Variants in POLE4 observed in about 807,000 individuals in gnomAD.
The protein encoded by POLE4 is DNA polymerase epsilon 4, accessory subunit.
A neutral mutation model predicts 15.6 loss-of-function variants in POLE4; 15 were observed. That is an observed-to-expected ratio of 0.96 (90% CI 0.64 to 1.48). The LOEUF (loss-of-function observed/expected upper bound fraction) is 1.48, where lower values mean the gene tolerates loss of function less well. POLE4 is among the 40% of genes most tolerant of loss of function. The pLI is 0.00. For synonymous variants in POLE4, 83 were observed against 63.2 expected (o/e 1.31, Z -1.49); for missense variants, 205 against 151.9 (o/e 1.35, Z -1.84).
intron 2 of POLE4, chr2:74,959,792 C>T (rs1558826961): frequency 8.8e-6 from 4 of 454,964 alleles, no homozygotes; most frequent in South Asian, 3.9e-5. Flanking sequence ...ATGCGCCCTG[C>T]GTCTATTGCC....
intron 1 of POLE4, chr2:74,959,113 C>T: frequency 1.6e-6 from 1 of 610,398 alleles, no homozygotes; most frequent in Non-Finnish European, 2.9e-6. Context: ...TAATTTGTAT[C>T]TCCAGGGCCT....
intron 3 of POLE4, among the ~76,000 whole-genome samples, chr2:74,966,853 G>A (rs1671303037): frequency 6.6e-6 from 1 of 150,844 alleles, no homozygotes; most frequent in Non-Finnish European, 1.5e-5. Context: ...AGGATAATTT[G>A]TTGAATATAA....
chr2:74,966,973 T>C (rs902426344), intron 3 of POLE4, among the ~76,000 whole-genome samples: 10 of 152,238 alleles, frequency 6.6e-5, no homozygotes, highest in Admixed American at 2.0e-4. Context: ...GTAATTCTTT[T>C]GAAGCTAGTT....
At chr2:74,959,852 G>A (rs1671190383) in intron 2 of POLE4, 1 of 497,830 alleles carries the variant, frequency 2.0e-6, no homozygotes, top group Non-Finnish European at 3.5e-6. Flanking sequence ...TAATTTAGGG[G>A]TAATTTAGGA....
At chr2:74,960,012 A>T in intron 2 of POLE4, 93 bp from the exon 3 acceptor site, 1 of 1,043,136 alleles carries the variant, frequency 9.6e-7, no homozygotes, top group Non-Finnish European at 1.5e-6. Context: ...CATTTGCCCA[A>T]AGCCTCATGC....
chr2:74,961,176 GTTCTCATTACCTCCTTCAAGCC>G (rs1191249127), intron 3 of POLE4: 2 of 152,262 alleles, frequency 1.3e-5, no homozygotes, highest in Non-Finnish European at 2.9e-5. Context: ...CTCCCAGGGT[GTTCTCATTACCTCCTTCAAGCC>G]TTATTACCTT....
chr2:74,958,960 C>T, intron 1 of POLE4, 68 bp downstream of exon 1: 1 of 1,433,370 alleles, frequency 7.0e-7, no homozygotes, highest in South Asian at 1.3e-5. Context: ...CTCGGGGCCT[C>T]CCGCGGGCGG....
At chr2:74,959,877 G>A (rs748287564) in intron 2 of POLE4, 56 of 520,574 alleles carry the variant, frequency 1.1e-4, no homozygotes, top group African/African-American at 7.3e-4. Context: ...CCCAACCCCC[G>A]CGTTGAATGG....
chr2:74,969,619 C>A lies in POLE4; in HGVS notation c.*197C>A. On this transcript the variant is annotated 3_prime_UTR_variant, in exon 4 of 4. Transcript: ENST00000483063. ...GTCTTCCACTATTTCTGTCTGTCTT[C>A]CATATCAAGCCTGGATGCAGCTGCT... 1 of 626,588 alleles carries A rather than the reference C, an allele frequency of 1.6e-6. No homozygotes were observed. The allele number at this position is 626,588 out of a possible 1,614,324, so 38.8% of individuals were successfully genotyped here. A position where few individuals can be genotyped will look rare whatever the true frequency, so the allele number is the denominator to read the frequency against.
intron 3 of POLE4, among the ~76,000 whole-genome samples, chr2:74,967,927 G>T (rs879532325): frequency 1.1e-5 from 1 of 91,844 alleles, no homozygotes; most frequent in Admixed American, 1.6e-4. Context: ...TTACTCTGAG[G>T]GGGCAGCCTT....
intron 3 of POLE4, among the ~76,000 whole-genome samples, chr2:74,962,246 T>C (rs1250943296): frequency 6.6e-6 from 1 of 152,224 alleles, no homozygotes; most frequent in Non-Finnish European, 1.5e-5. Context: ...TCTTTGGTTG[T>C]TGTGTCCAAT....
chr2:74,960,026 T>C, intron 2 of POLE4, 79 bp from the exon 3 acceptor site: 1 of 1,215,512 alleles, frequency 8.2e-7, no homozygotes, highest in Non-Finnish European at 1.2e-6. Flanking sequence ...CTCATGCCCT[T>C]CACTGCAGAT....
At chr2:74,958,974 T>G (rs1671170452) in intron 1 of POLE4, 82 bp downstream of exon 1, 1 of 1,330,036 alleles carries the variant, frequency 7.5e-7, no homozygotes, top group Admixed American at 2.3e-5. Flanking sequence ...CGGGCGGGGC[T>G]TAGGGCGGCG....
rs74781678 is a variant in POLE4, at chr2:74,959,096, G to C, written c.213+204G>C. 349 of 612,672 alleles carry C rather than the reference G, an allele frequency of 5.7e-4. 2 individuals carry two copies. In the African/African-American group the frequency reaches 5.9e-3, roughly 10 times the overall value. The allele number at this position is 612,672 out of a possible 1,614,324, so 38.0% of individuals were successfully genotyped here. On this transcript the variant is annotated intron_variant, in intron 1 of 3. Transcript: ENST00000483063. ...CTCTTGTTGAGGACCTGGATAGTGAGTGACTTTAATTTGTATCTCCAGGGC... is the reference window on the plus strand; with the variant it reads ...CTCTTGTTGAGGACCTGGATAGTGACTGACTTTAATTTGTATCTCCAGGGC...
intron 1 of POLE4, 93 bp downstream of exon 1, chr2:74,958,985 T>A: frequency 8.2e-7 from 1 of 1,222,448 alleles, no homozygotes; most frequent in Non-Finnish European, 1.1e-6. Flanking sequence ...TAGGGCGGCG[T>A]GGCCCGGGTT....
chr2:74,959,196 T>C (rs1671176639), intron 1 of POLE4, 145 bp from the exon 2 acceptor site: 1 of 627,560 alleles, frequency 1.6e-6, no homozygotes, highest in African/African-American at 1.9e-5. Flanking sequence ...TGGATCTTCA[T>C]GAAGTCCAGG....
intron 3 of POLE4, 28 bp downstream of exon 3, chr2:74,960,174 T>A: frequency 6.3e-7 from 1 of 1,587,026 alleles, no homozygotes. Flanking sequence ...GGGCAATCAT[T>A]TCCGCCTGTC....
At chr2:74,965,201 C>A (rs1671278951) in intron 3 of POLE4, among the ~76,000 whole-genome samples, 1 of 150,672 alleles carries the variant, frequency 6.6e-6, no homozygotes, top group Non-Finnish European at 1.5e-5. Flanking sequence ...TCAAGTGATT[C>A]TCCTGCCTCA....
At chr2:74,965,372 T>G (rs970574209) in intron 3 of POLE4, among the ~76,000 whole-genome samples, 2 of 152,220 alleles carry the variant, frequency 1.3e-5, no homozygotes, top group African/African-American at 4.8e-5. Flanking sequence ...GTGTTGGGAT[T>G]ACAGGCGTGA....
Sources: gnomAD v4.1 joint callset for allele counts (sites outside exome capture counted in the v4.1 genomes callset) on GRCh38, gnomAD v4.1.1 for gene constraint, MANE v1.5 for transcripts, NCBI Gene and HGNC (gene_info 2026-07-23, HGNC 2026-07-21) for gene names.